The following NEDD4L variants were observed in gnomAD, a reference collection of about 807,000 sequenced individuals.
NEDD4L encodes the protein NEDD4 like E3 ubiquitin protein ligase.
Under a neutral mutation model 148.9 loss-of-function variants are expected in NEDD4L, and 54 were observed. That is an observed-to-expected ratio of 0.36 (90% CI 0.29 to 0.45). The LOEUF is 0.45. Among genes scored for constraint, NEDD4L ranks in the 20% least tolerant of loss-of-function variants. The pLI, the probability that NEDD4L is intolerant of heterozygous loss-of-function variation, is 1.00. For synonymous variants in NEDD4L, 433 were observed against 440.7 expected (o/e 0.98, Z 0.22); for missense variants, 856 against 1,233.8 (o/e 0.69, Z 4.59).
At chr18:58,056,150 G>A (rs932504457) in intron 1 of NEDD4L, among the ~76,000 whole-genome samples, 3 of 152,172 alleles carry the variant, frequency 2.0e-5, no homozygotes, top group African/African-American at 7.2e-5. Flanking sequence ...TCAGAGACTT[G>A]TCCTTGTCCC....
At chr18:58,274,362 G>A (rs1162531271) in intron 5 of NEDD4L, among the ~76,000 whole-genome samples, 2 of 152,190 alleles carry the variant, frequency 1.3e-5, no homozygotes, top group Admixed American at 6.5e-5. Flanking sequence ...TGGGAGGTTC[G>A]AACTTTGCCT....
chr18:58,276,212 T>TTTGGG (rs1555782967), intron 5 of NEDD4L, among the ~76,000 whole-genome samples: 16 of 103,426 alleles, frequency 1.5e-4, no homozygotes, highest in African/African-American at 2.5e-4. Context: ...TTTTTTTTTT[T>TTTGGG]GGGTGGGGAG....
chr18:58,053,744 G>A (rs1159177424), intron 1 of NEDD4L, among the ~76,000 whole-genome samples: 3 of 152,168 alleles, frequency 2.0e-5, no homozygotes, highest in Non-Finnish European at 2.9e-5. Flanking sequence ...AATTCCCATT[G>A]TGGGTAAATG....
intron 1 of NEDD4L, among the ~76,000 whole-genome samples, chr18:58,062,637 A>G (rs567364505): frequency 2.4e-4 from 37 of 152,262 alleles, no homozygotes; most frequent in African/African-American, 8.7e-4. Flanking sequence ...TTCAGATCCC[A>G]TGTTCATATT....
At chr18:58,077,141 A>G (rs372395290) in intron 1 of NEDD4L, among the ~76,000 whole-genome samples, 4 of 135,368 alleles carry the variant, frequency 3.0e-5, no homozygotes, top group African/African-American at 1.1e-4. Context: ...GTGAGCCACC[A>G]TACCCAGCCT....
chr18:58,195,312 G>C (rs2040534244), intron 2 of NEDD4L: 1 of 770,078 alleles, frequency 1.3e-6, no homozygotes, highest in Non-Finnish European at 1.8e-6. Context: ...TGGGGCTGTG[G>C]TTTGAATTGC....
intron 2 of NEDD4L, among the ~76,000 whole-genome samples, chr18:58,233,734 T>A (rs80026625): frequency 0.019 from 2,921 of 152,344 alleles, 43 homozygotes; most frequent in Middle Eastern, 0.034. Context: ...CAAAGCACTA[T>A]GAACTAGGTG....
At chr18:58,166,022 G>C (rs1226832935) in intron 2 of NEDD4L, among the ~76,000 whole-genome samples, 161 bp downstream of exon 2, 1 of 152,202 alleles carries the variant, frequency 6.6e-6, no homozygotes, top group South Asian at 2.1e-4. Flanking sequence ...TGGCCCAGCT[G>C]GTTCCAGGAG....
In NEDD4L at chr18:58,234,004, A is replaced by G. The variant is rs910893209; in HGVS notation, c.123-11423A>G. 2.6e-5 allele frequency among the ~76,000 whole-genome samples: 4 copies of G among 151,992 alleles called. No homozygotes were observed. The South Asian group carries it at 8.3e-4, about 32-fold the overall frequency. ...TCCCCTGTTCATAAGAACACCAGTC[A>G]TATTGGATCAGGGCTCAACCTAATG... On this transcript the variant is annotated intron_variant, in intron 2 of 30. Coordinates refer to ENST00000400345, the MANE Select transcript of NEDD4L (RefSeq NM_001144967.3).
intron 12 of NEDD4L, 75 bp from the exon 13 acceptor site, chr18:58,335,403 A>G (rs2041606156): frequency 2.5e-6 from 3 of 1,215,826 alleles, no homozygotes; most frequent in Non-Finnish European, 2.4e-6. Context: ...GCGCTGCCAC[A>G]GCAGTGGGCC....
At chr18:58,297,778 C>T (rs2055866805) in intron 5 of NEDD4L, among the ~76,000 whole-genome samples, 1 of 152,170 alleles carries the variant, frequency 6.6e-6, no homozygotes, top group East Asian at 1.9e-4. Context: ...CCCTGCTGTG[C>T]CTGTTCTCTT....
intron 23 of NEDD4L, 114 bp downstream of exon 23, chr18:58,370,581 T>G: frequency 1.4e-6 from 1 of 729,254 alleles, no homozygotes; most frequent in Non-Finnish European, 2.5e-6. Flanking sequence ...GCATTCCATG[T>G]GAACAACAGG....
intron 5 of NEDD4L, among the ~76,000 whole-genome samples, chr18:58,279,851 A>G (rs983789274): frequency 6.6e-6 from 1 of 152,210 alleles, no homozygotes; most frequent in Non-Finnish European, 1.5e-5. Flanking sequence ...ACAAGTTTCT[A>G]AAGTACATTC....
intron 1 of NEDD4L, among the ~76,000 whole-genome samples, chr18:58,143,291 C>A (rs531400252): frequency 6.6e-6 from 1 of 152,166 alleles, no homozygotes; most frequent in Non-Finnish European, 1.5e-5. Context: ...CCTGCACCCT[C>A]GATCTCACAG....
Position 58,400,137 on chromosome 18 carries a change from GT to G in NEDD4L, c.*3869del, listed in dbSNP as rs2050758062. The G allele has an allele frequency of 6.6e-6, 1 of 152,298 alleles. No homozygotes were observed. Among genetic ancestry groups the G allele is most frequent in the South Asian group, 2.1e-4 (1 of 4,810 alleles). The allele number at this position is 152,298 out of a possible 1,614,324, so 9.4% of individuals were successfully genotyped here. A position where few individuals can be genotyped will look rare whatever the true frequency, so the allele number is the denominator to read the frequency against. On this transcript the variant is annotated 3_prime_UTR_variant, in exon 31 of 31. Transcript: ENST00000400345. Reference sequence around the variant, plus strand: ...TGTACTTAAGAGGGAGAGGTGGGAGGTGCTGTCTGGTATCATTTGCTGCCTC... The same window carrying G: ...TGTACTTAAGAGGGAGAGGTGGGAGGGCTGTCTGGTATCATTTGCTGCCTC...
At chr18:58,234,157 CTTCT>C (rs1404144873) in intron 2 of NEDD4L, among the ~76,000 whole-genome samples, 2 of 142,900 alleles carry the variant, frequency 1.4e-5, no homozygotes, top group African/African-American at 5.2e-5. Context: ...CTCTTTCTTT[CTTCT>C]TTTTCTCTCT....
At chr18:58,080,716 A>G (rs2083385471) in intron 1 of NEDD4L, among the ~76,000 whole-genome samples, 1 of 152,226 alleles carries the variant, frequency 6.6e-6, no homozygotes, top group Non-Finnish European at 1.5e-5. Flanking sequence ...TGTGTTAACC[A>G]TCAAGATTAA....
intron 1 of NEDD4L, among the ~76,000 whole-genome samples, chr18:58,110,264 T>G (rs544610262): frequency 6.6e-6 from 1 of 152,292 alleles, no homozygotes; most frequent in East Asian, 1.9e-4. Flanking sequence ...TGGGAGTCAA[T>G]CCACATGGGA....
chr18:58,078,423 C>G (rs1300490426), intron 1 of NEDD4L, among the ~76,000 whole-genome samples: 1 of 152,126 alleles, frequency 6.6e-6, no homozygotes, highest in Non-Finnish European at 1.5e-5. Flanking sequence ...AACTGTGTCC[C>G]AGGCCCTGTC....
Sources: allele counts gnomAD v4.1 joint callset (sites outside exome capture counted in the v4.1 genomes callset), GRCh38; gene constraint gnomAD v4.1.1; transcripts MANE v1.5; gene names NCBI Gene and HGNC (gene_info 2026-07-23, HGNC 2026-07-21).